The following NGEF variants were observed in gnomAD, a reference collection of about 807,000 sequenced individuals.
NGEF encodes ephexin-1.
Under a neutral mutation model 80.9 loss-of-function variants are expected in NGEF, and 31 were observed. That is an observed-to-expected ratio of 0.38 (90% CI 0.29 to 0.52). The LOEUF is 0.52. Ranked by LOEUF, NGEF falls within the 20% of genes least tolerant of loss-of-function variation. NGEF has a pLI of 0.84. For missense variants in NGEF, 709 were observed against 926.2 expected (o/e 0.77, Z 3.04); for synonymous variants, 371 against 370.2 (o/e 1.00, Z -0.03).
chr2:232,940,148 T>A (rs1297239712), intron 3 of NGEF, among the ~76,000 whole-genome samples: 3 of 152,204 alleles, frequency 2.0e-5, no homozygotes, highest in African/African-American at 7.2e-5. Context: ...ACGGAATTCG[T>A]TTCTTCCCAA....
intron 3 of NGEF, among the ~76,000 whole-genome samples, chr2:232,948,895 G>A (rs568175194): frequency 1.3e-5 from 2 of 152,178 alleles, no homozygotes; most frequent in African/African-American, 2.4e-5. Context: ...GTGGGCACCC[G>A]TAATCCCAGC....
At chr2:232,918,575 T>C in intron 5 of NGEF, among the ~76,000 whole-genome samples, 1 of 152,172 alleles carries the variant, frequency 6.6e-6, no homozygotes. Context: ...GCTTTGCTTA[T>C]GTTGTAAAAG....
intron 3 of NGEF, among the ~76,000 whole-genome samples, chr2:232,954,307 A>G (rs978727665): frequency 2.6e-5 from 4 of 152,188 alleles, no homozygotes; most frequent in Non-Finnish European, 5.9e-5. Context: ...GCCTGGGGAT[A>G]TGACAGTGAA....
At chr2:233,004,055 C>T (rs1025533221) in intron 1 of NGEF, among the ~76,000 whole-genome samples, 2 of 152,120 alleles carry the variant, frequency 1.3e-5, no homozygotes, top group African/African-American at 2.4e-5. Context: ...GCCAGCAAGC[C>T]GACTTCATTT....
intron 1 of NGEF, among the ~76,000 whole-genome samples, chr2:232,989,020 A>G (rs1017623236): frequency 9.2e-5 from 14 of 152,226 alleles, no homozygotes; most frequent in Admixed American, 2.6e-4. Context: ...CAAAATTATT[A>G]TCAATGGTTA....
rs1233128944 is a variant in NGEF at position 232,900,007 on chromosome 2, GTCAC to G, written c.829-5095_829-5092del. ...TCATTCACTCACACACGCTCTCACA[GTCAC>G]TCATATACACGTTCACTCACATTCA... On this transcript the variant is annotated intron_variant, in intron 5 of 14. Coordinates refer to ENST00000264051, the MANE Select transcript of NGEF (RefSeq NM_019850.3). Among the ~76,000 whole-genome samples, 398 of 102,838 alleles carry G rather than the reference GTCAC, an allele frequency of 3.9e-3. 7 individuals are homozygous for G. The highest frequency in any genetic ancestry group is 0.016 in the African/African-American group (362 of 22,928). 67.5% of individuals were successfully genotyped at this position (102,838 alleles called of 152,430 possible).
chr2:232,937,833 G>A (rs900730407), intron 3 of NGEF, among the ~76,000 whole-genome samples: 47 of 152,198 alleles, frequency 3.1e-4, no homozygotes, highest in African/African-American at 1.0e-3. Context: ...GAACTTGCAG[G>A]TAATGGCTTC....
rs562653114 is a variant in NGEF, at chr2:232,919,441, CT to C, written c.828+842del. 5.2e-3 allele frequency among the ~76,000 whole-genome samples: 782 copies of C among 149,020 alleles called. 11 individuals carry two copies. Among genetic ancestry groups the C allele is most frequent in the African/African-American group, 0.017 (696 of 40,600 alleles). ...AAAGTGCTTATTAAAAACCAAATCT[CT>C]TTTTTTTTTCCCTTCTGTACCTACT... On this transcript the variant is annotated intron_variant, in intron 5 of 14. Coordinates refer to ENST00000264051, the MANE Select transcript of NGEF (RefSeq NM_019850.3).
chr2:232,946,819 C>T (rs1299662227), intron 3 of NGEF, among the ~76,000 whole-genome samples: 1 of 152,114 alleles, frequency 6.6e-6, no homozygotes, highest in African/African-American at 2.4e-5. Context: ...TCCTATGTGA[C>T]AGTTTGAGCC....
At position 232,961,825 on chromosome 2, in the gene NGEF, G is replaced by T. The variant is rs1395169128; in HGVS notation, c.383+8389C>A. 2.0e-5 allele frequency among the ~76,000 whole-genome samples: 3 copies of T among 152,264 alleles called. No homozygotes were observed. The East Asian group carries it at 5.8e-4, about 29-fold the overall frequency. On this transcript the variant is annotated intron_variant, in intron 3 of 14. Transcript: ENST00000264051. ...AAAAAGAGTCCCCAGTGGCTGTGTG[G>T]CCAGCTGAGATGAATGGTCACTGTG...
At chr2:232,907,591 G>A (rs1286127548) in intron 5 of NGEF, among the ~76,000 whole-genome samples, 3 of 152,124 alleles carry the variant, frequency 2.0e-5, no homozygotes, top group African/African-American at 7.2e-5. Context: ...ATTCAACTAC[G>A]AAATGTAACT....
At chr2:233,008,017 C>G (rs984964505) in intron 1 of NGEF, among the ~76,000 whole-genome samples, 3 of 152,232 alleles carry the variant, frequency 2.0e-5, no homozygotes, top group African/African-American at 7.2e-5. Context: ...ATGTTTTTCT[C>G]ACTCAGATGA....
At chr2:232,963,080 TTAAAATAGTCAAGAC>T (rs1302097494) in intron 3 of NGEF, among the ~76,000 whole-genome samples, 8 of 151,870 alleles carry the variant, frequency 5.3e-5, no homozygotes, top group Non-Finnish European at 1.0e-4. Context: ...TGCAAAAGAT[TTAAAATAGTCAAGAC>T]TATATTTAAT....
chr2:232,892,656 G>A lies in NGEF; in HGVS notation c.1142+242C>T, dbSNP rs1020021815. ...TGGATCCAGGTCCAGTGGATGCTAC[G>A]CTGATTCTCTTGGGGTCTGGCTGGG... On this transcript the variant is annotated intron_variant, in intron 7 of 14. Transcript: ENST00000264051. This position sits in a 1 kb window ranked among gnomAD's most constrained non-coding sequence, Gnocchi z 4.0. Among the ~76,000 whole-genome samples the A allele has an allele frequency of 2.0e-5, 3 of 152,154 alleles. No individual in the cohort carries two copies. Among genetic ancestry groups the A allele is most frequent in the Admixed American group, 1.3e-4 (2 of 15,274 alleles).
intron 5 of NGEF, among the ~76,000 whole-genome samples, chr2:232,902,066 G>A (rs963607881): frequency 6.6e-6 from 1 of 152,100 alleles, no homozygotes; most frequent in Non-Finnish European, 1.5e-5. Flanking sequence ...AGGGGCGCAG[G>A]GCGCTCCCAA....
intron 12 of NGEF, 146 bp from the exon 13 acceptor site, chr2:232,882,411 G>T: frequency 1.4e-6 from 1 of 726,950 alleles, no homozygotes; most frequent in South Asian, 1.8e-5. Flanking sequence ...ACAGCTCGGG[G>T]GAGCCACAGA....
chr2:232,885,440 G>C (rs1691647236), intron 9 of NGEF, 71 bp from the exon 10 acceptor site: 1 of 1,330,262 alleles, frequency 7.5e-7, no homozygotes, highest in East Asian at 2.3e-5. Context: ...AGCTCGGTCA[G>C]GCCACAGACA....
At chr2:232,922,654 T>A (rs962642337) in intron 4 of NGEF, among the ~76,000 whole-genome samples, 15 of 152,244 alleles carry the variant, frequency 9.9e-5, no homozygotes, top group African/African-American at 3.1e-4. Flanking sequence ...GACACTGCAC[T>A]GCGGTTACAG....
intron 3 of NGEF, among the ~76,000 whole-genome samples, chr2:232,929,678 T>G (rs1269210487): frequency 6.6e-6 from 1 of 152,236 alleles, no homozygotes; most frequent in Non-Finnish European, 1.5e-5. Flanking sequence ...AGCCACCTCC[T>G]GCCCTTAGTG....
Sources: allele counts gnomAD v4.1 joint callset (sites outside exome capture counted in the v4.1 genomes callset), GRCh38; gene constraint gnomAD v4.1.1; non-coding constraint Gnocchi (gnomAD v3.1); transcripts MANE v1.5; gene names NCBI Gene and HGNC (gene_info 2026-07-23, HGNC 2026-07-21).